MAPK8: variants seen among roughly 807,000 people sequenced by gnomAD.
The protein encoded by MAPK8 is JUN N-terminal kinase.
MAPK8 carries 13 observed loss-of-function variants against 52.9 expected under a neutral mutation model. The observed-to-expected ratio is 0.25, with a 90% CI of 0.16 to 0.39. MAPK8 has a LOEUF of 0.39. Among genes scored for constraint, MAPK8 ranks in the 10% least tolerant of loss-of-function variants. The pLI, the probability that MAPK8 is intolerant of heterozygous loss-of-function variation, is 1.00. For synonymous variants in MAPK8, 191 were observed against 169.8 expected, an observed-to-expected ratio of 1.12 and a Z score of -0.97; for missense variants, 300 against 519.2, an observed-to-expected ratio of 0.58 and a Z score of 4.10.
chr10:48,338,842 CCA>C (rs919249943), intron 1 of MAPK8, among the ~76,000 whole-genome samples: 3 of 151,264 alleles, frequency 2.0e-5, no homozygotes, highest in African/African-American at 4.8e-5. Flanking sequence ...AACACACACA[CCA>C]CACACACACA....
intron 1 of MAPK8, among the ~76,000 whole-genome samples, chr10:48,381,449 G>C (rs2041000130): frequency 6.6e-6 from 1 of 151,932 alleles, no homozygotes; most frequent in Non-Finnish European, 1.5e-5. Context: ...CATGTATCTA[G>C]TACTTTTAAT....
chr10:48,400,279 T>A (rs943142336), intron 1 of MAPK8, among the ~76,000 whole-genome samples: 3 of 152,222 alleles, frequency 2.0e-5, no homozygotes, highest in African/African-American at 7.2e-5. Flanking sequence ...TAGAAATGTT[T>A]CTCTGGACCT....
At chr10:48,367,651 T>C (rs1463740276) in intron 1 of MAPK8, among the ~76,000 whole-genome samples, 1 of 152,182 alleles carries the variant, frequency 6.6e-6, no homozygotes, top group Non-Finnish European at 1.5e-5. Context: ...ATGTTTTATC[T>C]TTGCATAATC....
chr10:48,401,406 T>C (rs1226794589), intron 1 of MAPK8, among the ~76,000 whole-genome samples: 1 of 152,146 alleles, frequency 6.6e-6, no homozygotes, highest in Non-Finnish European at 1.5e-5. Flanking sequence ...TCCTAATGTT[T>C]CTTTTTTAAA....
In MAPK8 at chr10:48,332,336, C is replaced by T. The variant is rs556074881; in HGVS notation, c.-50+25515C>T. On this transcript the variant is annotated intron_variant, in intron 1 of 11. Transcript: ENST00000374189. ...TTTTTGTTTATCCTTTGACAAGTTACGCAACTTCCACATACTTGTTTAGCA... is the reference window on the plus strand; with the variant it reads ...TTTTTGTTTATCCTTTGACAAGTTATGCAACTTCCACATACTTGTTTAGCA... Among the ~76,000 whole-genome samples, 146 of 152,322 alleles carry T rather than the reference C, an allele frequency of 9.6e-4. 5 individuals carry two copies. Among genetic ancestry groups the T allele is most frequent in the Admixed American group, 8.8e-3 (134 of 15,302 alleles).
intron 1 of MAPK8, 54 bp downstream of exon 1, chr10:48,306,875 A>C (rs1185141959): frequency 1.3e-5 from 2 of 151,328 alleles, no homozygotes; most frequent in African/African-American, 2.4e-5. Context: ...CGTCGTGTTT[A>C]TGTTATTGTG....
At chr10:48,431,595 TCTTTA>T (rs2044270484) in intron 11 of MAPK8, among the ~76,000 whole-genome samples, 1 of 152,204 alleles carries the variant, frequency 6.6e-6, no homozygotes, top group Admixed American at 6.5e-5. Context: ...ATCTTGACAG[TCTTTA>T]CTTTGGATAA....
At chr10:48,384,330 T>C (rs755696786) in intron 1 of MAPK8, among the ~76,000 whole-genome samples, 13 of 152,208 alleles carry the variant, frequency 8.5e-5, no homozygotes, top group Non-Finnish European at 1.8e-4. Context: ...AAGTTTCTAG[T>C]GACTCAGCAC....
chr10:48,426,775 C>A (rs962680777), intron 9 of MAPK8: 66 of 486,188 alleles, frequency 1.4e-4, no homozygotes, highest in Non-Finnish European at 2.2e-4. Context: ...GGGGAACATC[C>A]TAACTCAGGT....
At chr10:48,347,564 C>G (rs2132399212) in intron 1 of MAPK8, among the ~76,000 whole-genome samples, 2 of 152,300 alleles carry the variant, frequency 1.3e-5, no homozygotes, top group South Asian at 4.1e-4. Flanking sequence ...CACCCCGCAA[C>G]AGGCCCCGGT....
intron 2 of MAPK8, among the ~76,000 whole-genome samples, chr10:48,402,463 T>TA (rs2042210528): frequency 1.3e-5 from 2 of 152,224 alleles, no homozygotes; most frequent in Admixed American, 1.3e-4. Flanking sequence ...AATTCATCCA[T>TA]ATGTTTAAAA....
chr10:48,348,748 A>C (rs375690375), intron 1 of MAPK8, among the ~76,000 whole-genome samples: 14 of 152,014 alleles, frequency 9.2e-5, no homozygotes, highest in South Asian at 8.3e-4. Flanking sequence ...TGGTCTATAT[A>C]TCTGTTTTGG....
intron 5 of MAPK8, among the ~76,000 whole-genome samples, chr10:48,414,281 T>G (rs1316477939): frequency 2.0e-5 from 3 of 152,166 alleles, no homozygotes; most frequent in Non-Finnish European, 4.4e-5. Flanking sequence ...AATATTTCAC[T>G]GTATAGATAT....
At chr10:48,400,213 T>C (rs2042091088) in intron 1 of MAPK8, among the ~76,000 whole-genome samples, 1 of 152,230 alleles carries the variant, frequency 6.6e-6, no homozygotes, top group Admixed American at 6.5e-5. Context: ...TTATGAGTCT[T>C]GTCATTTCAG....
rs1288679245 is a variant in MAPK8 at position 48,436,642 on chromosome 10, A to T, written c.*1613A>T. 1.3e-5 allele frequency: 2 copies of T among 152,216 alleles called. No homozygotes were observed. Among genetic ancestry groups the T allele is most frequent in the African/African-American group, 4.8e-5 (2 of 41,458 alleles). The allele number at this position is 152,216 out of a possible 1,614,324, so 9.4% of individuals were successfully genotyped here. On this transcript the variant is annotated 3_prime_UTR_variant, in exon 12 of 12. Transcript: ENST00000374189. Reference sequence around the variant, plus strand: ...AAAATTTGCTTGGCATTTTATTCATATATTTAGTGCAAAATTATTTTTGAG... The same window carrying T: ...AAAATTTGCTTGGCATTTTATTCATTTATTTAGTGCAAAATTATTTTTGAG...
At chr10:48,339,336 A>G (rs1845004061) in intron 1 of MAPK8, among the ~76,000 whole-genome samples, 1 of 152,204 alleles carries the variant, frequency 6.6e-6, no homozygotes, top group African/African-American at 2.4e-5. Context: ...GCAATAGAGA[A>G]AGGATACCCT....
intron 1 of MAPK8, among the ~76,000 whole-genome samples, chr10:48,329,826 A>T (rs1182434366): frequency 5.9e-5 from 9 of 152,168 alleles, no homozygotes; most frequent in Non-Finnish European, 2.9e-5. Context: ...CTGCTTCTTC[A>T]TAATTGTAAT....
At chr10:48,324,082 C>G (rs1843243263) in intron 1 of MAPK8, among the ~76,000 whole-genome samples, 2 of 152,212 alleles carry the variant, frequency 1.3e-5, no homozygotes, top group Non-Finnish European at 2.9e-5. Context: ...CGGTAAACAC[C>G]TGTATACTTC....
At chr10:48,401,132 G>C (rs1327333686) in intron 1 of MAPK8, among the ~76,000 whole-genome samples, 3 of 152,136 alleles carry the variant, frequency 2.0e-5, no homozygotes, top group African/African-American at 7.2e-5. Flanking sequence ...GATGACACAT[G>C]CTAGTCAACT....
Sources: allele counts gnomAD v4.1 joint callset (sites outside exome capture counted in the v4.1 genomes callset), GRCh38; gene constraint gnomAD v4.1.1; transcripts MANE v1.5; gene names NCBI Gene and HGNC (gene_info 2026-07-23, HGNC 2026-07-21).